F11: variants seen among roughly 807,000 people sequenced by gnomAD.
F11 encodes the protein coagualtion factor XI.
F11 carries 78 observed loss-of-function variants against 76.5 expected under a neutral mutation model. The observed-to-expected ratio is 1.02, with a 90% CI of 0.85 to 1.23. The LOEUF (loss-of-function observed/expected upper bound fraction) is 1.23, where lower values mean the gene tolerates loss of function less well. F11 is among the 50% of genes most tolerant of loss of function. F11 has a pLI of 0.00. For synonymous variants in F11, 278 were observed against 276.3 expected, an observed-to-expected ratio of 1.01 and a Z score of -0.06; for missense variants, 742 against 771.4, an observed-to-expected ratio of 0.96 and a Z score of 0.45.
Position 186,280,000 on chromosome 4 carries a change from T to G in F11, c.756-12T>G. On this transcript the variant is annotated splice_polypyrimidine_tract_variant and intron_variant, in intron 7 of 14. Coordinates refer to ENST00000403665, the MANE Select transcript of F11 (RefSeq NM_000128.4). ...ATATGATATATTTCTACTTCCCTTTTGTTTTTGTTAGAAATCTTTGTCTCC... is the reference window on the plus strand; with the variant it reads ...ATATGATATATTTCTACTTCCCTTTGGTTTTTGTTAGAAATCTTTGTCTCC... The G allele has an allele frequency of 6.3e-7, 1 of 1,596,812 alleles. No homozygotes were observed. The highest frequency in any genetic ancestry group is 1.3e-5 in the African/African-American group (1 of 74,628).
chr4:186,274,918 A>G (rs1740251521), intron 5 of F11: 5 of 177,642 alleles, frequency 2.8e-5, no homozygotes, highest in African/African-American at 1.2e-4. Context: ...AAACATTCAA[A>G]TTACTAATAC....
At position 186,288,519 on chromosome 4, in the gene F11, T is replaced by C. The variant is rs760837043; in HGVS notation, c.1783T>C (p.Trp595Arg). The C allele has an allele frequency of 6.2e-7, 1 of 1,614,172 alleles. No homozygotes were observed. The change falls in exon 15 of 15, where the codon TGG (tryptophan) becomes CGG (arginine). Residue 595 changes from tryptophan (W) to arginine (R), a missense_variant. Physicochemically the swap from Trp to Arg is moderately radical, Grantham distance 101. Transcript: ENST00000403665. ...CTGGCATCTGGTAGGCATCACGAGC[T>C]GGGGCGAAGGCTGTGCTCAAAGGGA... ...EVWHLVGITS[W>R]GEGCAQRERP...
At chr4:186,282,933 A>T (rs558697752) in intron 10 of F11, 2 of 985,388 alleles carry the variant, frequency 2.0e-6, no homozygotes, top group African/African-American at 3.5e-5. Flanking sequence ...AGGTTGTTTT[A>T]CACCCACAAA....
chr4:186,273,797 A>G (rs976776911), intron 4 of F11, among the ~76,000 whole-genome samples: 1 of 152,226 alleles, frequency 6.6e-6, no homozygotes, highest in Non-Finnish European at 1.5e-5. Context: ...ATAAAGGTTG[A>G]AGTGACACTT....
chr4:186,285,204 G>T (rs1698852876), intron 11 of F11, among the ~76,000 whole-genome samples: 1 of 152,078 alleles, frequency 6.6e-6, no homozygotes, highest in Non-Finnish European at 1.5e-5. Context: ...TTAAACTCAA[G>T]AACACATGTG....
chr4:186,271,621 A>G lies in F11; in HGVS notation c.68A>G (p.Gln23Arg). ...FTSVSGECVTQLLKDTCFEGG... is the reference protein window; with the variant it reads ...FTSVSGECVTRLLKDTCFEGG... ...TACTACATCACAGAATGTGTGACTC[A>G]GTTGTTGAAGGACACCTGCTTTGAA... Residue 23 changes from glutamine to arginine, a missense_variant, in exon 3 of 15, where the codon CAG (glutamine) becomes CGG (arginine). Gln to Arg is a conservative substitution (Grantham distance 43). Transcript: ENST00000403665. 1 of 1,614,142 alleles carries G rather than the reference A, an allele frequency of 6.2e-7. No homozygotes were observed.
intron 11 of F11, 45 bp from the exon 12 acceptor site, chr4:186,285,592 AT>A (rs1561490677): frequency 5.7e-6 from 9 of 1,585,180 alleles, no homozygotes; most frequent in Non-Finnish European, 7.8e-6. Flanking sequence ...TCTGGGAATT[AT>A]TTTTAGTAAA....
At chr4:186,282,730 T>C (rs931526740) in intron 10 of F11, 2 of 985,370 alleles carry the variant, frequency 2.0e-6, no homozygotes, top group Non-Finnish European at 2.4e-6. Flanking sequence ...CCCTCCAAAA[T>C]GAATGTTCAC....
chr4:186,284,406 A>C, intron 11 of F11, 146 bp downstream of exon 11: 1 of 839,014 alleles, frequency 1.2e-6, no homozygotes. Context: ...AAAAACGCAA[A>C]AAGGAAGAGC....
chr4:186,267,902 A>C (rs561859384), intron 2 of F11, among the ~76,000 whole-genome samples: 15 of 152,230 alleles, frequency 9.9e-5, no homozygotes, highest in African/African-American at 3.4e-4. Context: ...ATTCCACTTA[A>C]TATATTAAAT....
chr4:186,282,542 C>T (rs1580095025), intron 10 of F11: 12 of 985,166 alleles, frequency 1.2e-5, no homozygotes, highest in Non-Finnish European at 1.3e-5. Flanking sequence ...AAATATGATT[C>T]TAAACACATA....
intron 3 of F11, among the ~76,000 whole-genome samples, chr4:186,272,133 A>C (rs1398578510): frequency 2.0e-5 from 3 of 152,174 alleles, no homozygotes; most frequent in Non-Finnish European, 2.9e-5. Flanking sequence ...TTATTAGAAA[A>C]AAATAAAATA....
intron 10 of F11, among the ~76,000 whole-genome samples, chr4:186,283,252 C>T (rs1243715474): frequency 6.6e-6 from 1 of 151,350 alleles, no homozygotes; most frequent in African/African-American, 2.4e-5. Flanking sequence ...TTTGTGTGCA[C>T]GTGTGTGTGT....
intron 2 of F11, among the ~76,000 whole-genome samples, chr4:186,270,560 T>G (rs975043747): frequency 3.0e-4 from 45 of 152,056 alleles, no homozygotes; most frequent in Admixed American, 1.8e-3. Flanking sequence ...CATCCTCCCA[T>G]CTAGTGGCAT....
intron 10 of F11, chr4:186,281,883 G>A (rs910434648): frequency 5.7e-6 from 7 of 1,226,210 alleles, no homozygotes; most frequent in South Asian, 2.8e-5. Flanking sequence ...ACATAAAGAC[G>A]TTATATTGCC....
chr4:186,289,831 T>C (rs1741463166), downstream of F11, among the ~76,000 whole-genome samples: 2 of 152,018 alleles, frequency 1.3e-5, no homozygotes, highest in African/African-American at 4.8e-5. Context: ...TACAGGCACA[T>C]GCCACCATGC....
At chr4:186,272,891 T>C (rs544068719) in intron 3 of F11, 180 bp from the exon 4 acceptor site, 1 of 563,986 alleles carries the variant, frequency 1.8e-6, no homozygotes, top group South Asian at 2.1e-5. Flanking sequence ...TGCAGTCTCT[T>C]AAGTGTAGGG....
chr4:186,280,542 T>A lies in F11; in HGVS notation c.1097T>A (p.Ile366Asn), dbSNP rs1188870700. 6.2e-7 allele frequency: 1 copy of A among 1,614,176 alleles called. No individual in the cohort carries two copies. Among genetic ancestry groups the A allele is most frequent in the East Asian group, 2.2e-5 (1 of 44,876 alleles). Residue 366 changes from isoleucine to asparagine, a missense_variant, in exon 10 of 15, where the codon ATC becomes AAC. Transcript: ENST00000403665. ...AAAATACTTCACGGGAGAGGAGGCATCTCTGGATACACATTAAGGTTGTGT... is the reference window on the plus strand; with the variant it reads ...AAAATACTTCACGGGAGAGGAGGCAACTCTGGATACACATTAAGGTTGTGT... ...PTKILHGRGG[I>N]SGYTLRLCKM... is the part of the protein sequence containing the mutation.
intron 6 of F11, 134 bp from the exon 7 acceptor site, chr4:186,276,097 C>A: frequency 9.0e-7 from 1 of 1,110,256 alleles, no homozygotes. Flanking sequence ...ATGCCATTTT[C>A]TTCTAAATAA....
Sources: allele counts gnomAD v4.1 joint callset (sites outside exome capture counted in the v4.1 genomes callset), GRCh38; gene constraint gnomAD v4.1.1; transcripts MANE v1.5; gene names NCBI Gene and HGNC (gene_info 2026-07-23, HGNC 2026-07-21).